NRXN1: variants seen among roughly 807,000 people sequenced by gnomAD.
NRXN1 encodes neurexin 1.
NRXN1 carries 39 observed loss-of-function variants against 150.9 expected under a neutral mutation model. That is an observed-to-expected ratio of 0.26 (90% CI 0.20 to 0.34). The LOEUF (loss-of-function observed/expected upper bound fraction) is 0.34. Ranked by LOEUF, NRXN1 falls within the 10% of genes least tolerant of loss-of-function variation. The pLI is 1.00. For missense variants in NRXN1, 1,815 were observed against 1,949.9 expected (o/e 0.93, Z 1.30); for synonymous variants, 924 against 757.0 (o/e 1.22, Z -3.62).
intron 5 of NRXN1, among the ~76,000 whole-genome samples, chr2:50,720,082 T>C (rs1158495528): frequency 1.3e-5 from 2 of 152,206 alleles, no homozygotes; most frequent in Non-Finnish European, 2.9e-5. Context: ...ACAAGATACC[T>C]AGATGTTTGG....
chr2:50,145,100 C>T (rs750091943), intron 18 of NRXN1, among the ~76,000 whole-genome samples: 4 of 151,408 alleles, frequency 2.6e-5, no homozygotes, highest in Non-Finnish European at 5.9e-5. Context: ...AGTATAAAAG[C>T]ATATTTTTAG....
At chr2:50,394,667 T>A (rs2081951460) in intron 17 of NRXN1, among the ~76,000 whole-genome samples, 1 of 152,090 alleles carries the variant, frequency 6.6e-6, no homozygotes, top group Non-Finnish European at 1.5e-5. Flanking sequence ...TGCAATCTAT[T>A]GTCCACACTG....
chr2:50,323,378 C>T (rs994087928), intron 17 of NRXN1, among the ~76,000 whole-genome samples: 1 of 152,086 alleles, frequency 6.6e-6, no homozygotes, highest in Non-Finnish European at 1.5e-5. Context: ...CCACTGCTTT[C>T]AGAGTGTTTC....
At chr2:50,935,610 C>T (rs1047090954) in intron 2 of NRXN1, among the ~76,000 whole-genome samples, 2 of 151,990 alleles carry the variant, frequency 1.3e-5, no homozygotes, top group African/African-American at 4.8e-5. Flanking sequence ...ACCTGTAATT[C>T]CAGCTACTCA....
chr2:50,760,385 T>C (rs1701669566), intron 5 of NRXN1, among the ~76,000 whole-genome samples: 1 of 151,884 alleles, frequency 6.6e-6, no homozygotes, highest in Non-Finnish European at 1.5e-5. Flanking sequence ...TCCTCTCTTC[T>C]CTAGGTTCCC....
intron 8 of NRXN1, among the ~76,000 whole-genome samples, chr2:50,609,669 T>A (rs1649414420): frequency 1.3e-5 from 2 of 151,984 alleles, no homozygotes; most frequent in African/African-American, 4.8e-5. Flanking sequence ...TCATCTTAAC[T>A]AATTTAATGC....
chr2:50,356,935 AT>A (rs1406091325), intron 17 of NRXN1, among the ~76,000 whole-genome samples: 3 of 151,812 alleles, frequency 2.0e-5, no homozygotes, highest in Middle Eastern at 3.4e-3. Context: ...TAGACTTAAG[AT>A]TTTTTTTTAA....
intron 5 of NRXN1, among the ~76,000 whole-genome samples, chr2:50,744,516 G>C (rs1369238601): frequency 1.3e-5 from 2 of 152,090 alleles, no homozygotes; most frequent in African/African-American, 4.8e-5. Flanking sequence ...TAAAGGGCTT[G>C]TATATATACA....
intron 21 of NRXN1, among the ~76,000 whole-genome samples, chr2:49,989,430 G>C (rs115664184): frequency 2.0e-5 from 3 of 152,154 alleles, no homozygotes; most frequent in African/African-American, 7.2e-5. Context: ...TCTATTTGAA[G>C]AAAGTCAGAA....
chr2:50,915,001 T>G (rs1366103765), intron 5 of NRXN1, among the ~76,000 whole-genome samples: 1 of 151,572 alleles, frequency 6.6e-6, no homozygotes, highest in Non-Finnish European at 1.5e-5. Context: ...ATGAGAATTT[T>G]TTTAAAGTAT....
At chr2:49,996,155 T>G (rs575374878) in intron 21 of NRXN1, among the ~76,000 whole-genome samples, 5 of 152,276 alleles carry the variant, frequency 3.3e-5, no homozygotes, top group African/African-American at 1.2e-4. Flanking sequence ...ATTATTTGTG[T>G]GTGAGAGTCA....
In NRXN1 at chr2:50,224,347, T is replaced by C. The variant is rs995896951; in HGVS notation, c.3546+12442A>G. Among the ~76,000 whole-genome samples the C allele has an allele frequency of 2.6e-5, 4 of 152,094 alleles. No homozygotes were observed. In the East Asian group the frequency reaches 7.8e-4, roughly 30 times the overall value. On this transcript the variant is annotated intron_variant, in intron 18 of 22. Transcript: ENST00000401669. ...AGTCTGCTCATTGGTAAAACTGAGA[T>C]AAAATTCATACCTCAATGAATTATT...
chr2:50,409,058 AG>A (rs1463636101), intron 17 of NRXN1, among the ~76,000 whole-genome samples: 4 of 152,124 alleles, frequency 2.6e-5, no homozygotes, highest in Admixed American at 1.3e-4. Flanking sequence ...TTTACAGATG[AG>A]CCCAAGCTTG....
chr2:50,936,768 T>C (rs921099575), intron 2 of NRXN1, among the ~76,000 whole-genome samples: 1 of 152,002 alleles, frequency 6.6e-6, no homozygotes, highest in Admixed American at 6.6e-5. Flanking sequence ...ATTGAGAAAA[T>C]AGACTTGATA....
intron 2 of NRXN1, among the ~76,000 whole-genome samples, chr2:50,985,054 A>G (rs1169892419): frequency 6.6e-6 from 1 of 152,026 alleles, no homozygotes; most frequent in East Asian, 1.9e-4. Flanking sequence ...ACTTTTTAAG[A>G]TCCAGAAGAG....
Position 49,920,309 on chromosome 2 carries a change from AGT to A in NRXN1, c.*1633_*1634del, listed in dbSNP as rs1491292131. 1.3e-5 allele frequency: 2 copies of A among 152,592 alleles called. No individual in the cohort carries two copies. Among genetic ancestry groups the A allele is most frequent in the African/African-American group, 4.8e-5 (2 of 41,448 alleles). 9.5% of individuals were successfully genotyped at this position (152,592 alleles called of 1,614,324 possible). ...AAAAATACTTTCTTAGTCGAGAGAA[AGT>A]GTTTACTTTCCAGAAATGTTCATCA... On this transcript the variant is annotated 3_prime_UTR_variant, in exon 23 of 23. Coordinates refer to ENST00000401669, the MANE Select transcript of NRXN1 (RefSeq NM_001330078.2).
chr2:50,497,840 A>G (rs1188137220), intron 13 of NRXN1, 126 bp from the exon 14 acceptor site: 3 of 786,272 alleles, frequency 3.8e-6, no homozygotes, highest in South Asian at 2.0e-5. Context: ...TCAGTTGCAT[A>G]TAGGAAGAAC....
chr2:50,281,322 C>CAATAATAATAATAATAATAAT (rs371009865), intron 17 of NRXN1, among the ~76,000 whole-genome samples: 2 of 148,962 alleles, frequency 1.3e-5, no homozygotes, highest in Non-Finnish European at 3.0e-5. Flanking sequence ...GTCTCAAAAA[C>CAATAATAATAATAATAATAAT]AATAATAATA....
chr2:50,695,414 T>C (rs1692683218), intron 5 of NRXN1, among the ~76,000 whole-genome samples: 1 of 152,220 alleles, frequency 6.6e-6, no homozygotes, highest in Admixed American at 6.5e-5. Flanking sequence ...GTGTACCTTA[T>C]GTCATATGCT....
Sources: allele counts gnomAD v4.1 joint callset (sites outside exome capture counted in the v4.1 genomes callset), GRCh38; gene constraint gnomAD v4.1.1; transcripts MANE v1.5; gene names NCBI Gene and HGNC (gene_info 2026-07-23, HGNC 2026-07-21).